LNX1: variants seen among roughly 807,000 people sequenced by gnomAD.
The protein encoded by LNX1 is ligand of numb-protein X 1.
LNX1 carries 54 observed loss-of-function variants against 68.4 expected under a neutral mutation model. The observed-to-expected ratio is 0.79, with a 90% CI of 0.63 to 0.99. The LOEUF (loss-of-function observed/expected upper bound fraction) is 0.99. Ranked by LOEUF, LNX1 falls within the 50% of genes least tolerant of loss-of-function variation. LNX1 has a pLI of 0.00. For synonymous variants in LNX1, 336 were observed against 350.0 expected (o/e 0.96, Z 0.45); for missense variants, 906 against 926.4 (o/e 0.98, Z 0.29).
intron 9 of LNX1, among the ~76,000 whole-genome samples, chr4:53,470,257 T>C (rs1032330078): frequency 1.1e-4 from 16 of 152,222 alleles, no homozygotes; most frequent in African/African-American, 3.9e-4. Context: ...ATTTTCTCAA[T>C]AGATGCAGAA....
intron 2 of LNX1, among the ~76,000 whole-genome samples, chr4:53,571,820 C>A (rs1209956100): frequency 6.6e-6 from 1 of 151,998 alleles, no homozygotes; most frequent in African/African-American, 2.4e-5. Context: ...ATCACCAGGT[C>A]TGGCTAATTT....
chr4:53,604,945 A>C (rs1456606632), intron 2 of LNX1, among the ~76,000 whole-genome samples: 1 of 152,222 alleles, frequency 6.6e-6, no homozygotes, highest in Non-Finnish European at 1.5e-5. Flanking sequence ...CACTCCTCAC[A>C]ACCCGGGTGA....
At chr4:53,474,283 G>C (rs1415679305) in intron 9 of LNX1, among the ~76,000 whole-genome samples, 1 of 152,180 alleles carries the variant, frequency 6.6e-6, no homozygotes, top group Non-Finnish European at 1.5e-5. Context: ...GTATGTGTGT[G>C]TATACATATA....
chr4:53,604,700 C>G (rs552899239), intron 2 of LNX1, among the ~76,000 whole-genome samples: 2 of 152,264 alleles, frequency 1.3e-5, no homozygotes, highest in African/African-American at 4.8e-5. Context: ...AATATCAGTC[C>G]AAAGTCAGAG....
At chr4:53,566,594 C>T (rs1372882098) in intron 2 of LNX1, among the ~76,000 whole-genome samples, 6 of 151,044 alleles carry the variant, frequency 4.0e-5, no homozygotes, top group East Asian at 1.9e-4. Context: ...CATCAACTAA[C>T]GAGCAAAATA....
intron 1 of LNX1, among the ~76,000 whole-genome samples, chr4:53,577,175 A>G (rs1374803685): frequency 2.0e-5 from 3 of 152,246 alleles, no homozygotes; most frequent in Admixed American, 6.5e-5. Flanking sequence ...GTGACATCAG[A>G]AACAGTTGAA....
At chr4:53,606,406 A>G (rs1406273968) in intron 2 of LNX1, among the ~76,000 whole-genome samples, 1 of 152,140 alleles carries the variant, frequency 6.6e-6, no homozygotes, top group African/African-American at 2.4e-5. Context: ...CCCTGAGCAG[A>G]CCAGTAATGA....
At chr4:53,507,708 T>G (rs1725998983) in intron 3 of LNX1, among the ~76,000 whole-genome samples, 1 of 152,198 alleles carries the variant, frequency 6.6e-6, no homozygotes, top group South Asian at 2.1e-4. Context: ...CCACTTTTCT[T>G]GAGCAGCATG....
At chr4:53,588,458 T>C (rs1178596990) in intron 1 of LNX1, among the ~76,000 whole-genome samples, 1 of 152,236 alleles carries the variant, frequency 6.6e-6, no homozygotes, top group African/African-American at 2.4e-5. Flanking sequence ...ATGGTAGATC[T>C]GGGTTTCAAA....
chr4:53,604,825 G>A (rs562727906), intron 2 of LNX1, among the ~76,000 whole-genome samples: 4 of 152,182 alleles, frequency 2.6e-5, no homozygotes, highest in Non-Finnish European at 5.9e-5. Flanking sequence ...CAGGTCACAG[G>A]CCACCTTTCT....
chr4:53,477,130 T>C (rs750479396), intron 8 of LNX1, 149 bp from the exon 9 acceptor site: 6 of 712,492 alleles, frequency 8.4e-6, no homozygotes, highest in East Asian at 2.6e-5. Context: ...GGTGCTCACA[T>C]AGCAAATGGT....
At chr4:53,581,357 A>G (rs989361739) in intron 1 of LNX1, among the ~76,000 whole-genome samples, 2 of 152,188 alleles carry the variant, frequency 1.3e-5, no homozygotes, top group Non-Finnish European at 2.9e-5. Context: ...TTATTCTCCA[A>G]ACAATTTTAG....
chr4:53,606,326 A>C (rs1165417780), intron 2 of LNX1, among the ~76,000 whole-genome samples: 1 of 152,188 alleles, frequency 6.6e-6, no homozygotes, highest in East Asian at 1.9e-4. Flanking sequence ...CAAGCTAGGA[A>C]ACCTAGAGGA....
intron 2 of LNX1, among the ~76,000 whole-genome samples, chr4:53,535,841 G>A (rs1380876888): frequency 2.6e-5 from 4 of 152,044 alleles, no homozygotes; most frequent in East Asian, 1.9e-4. Context: ...TGAGCATGTC[G>A]GGCTGGGACT....
At chr4:53,605,196 GA>G (rs1733179557) in intron 2 of LNX1, among the ~76,000 whole-genome samples, 1 of 152,184 alleles carries the variant, frequency 6.6e-6, no homozygotes, top group Non-Finnish European at 1.5e-5. Context: ...TCACATTGAA[GA>G]GCATGTGGAA....
intron 1 of LNX1, among the ~76,000 whole-genome samples, chr4:53,637,653 T>A (rs376261273): frequency 3.9e-4 from 59 of 152,282 alleles, no homozygotes; most frequent in African/African-American, 1.1e-3. Context: ...ACCTTATTTT[T>A]TGTGCCCACC....
chr4:53,646,688 A>T (rs1232657063), intron 1 of LNX1, among the ~76,000 whole-genome samples: 10 of 152,368 alleles, frequency 6.6e-5, no homozygotes, highest in Admixed American at 3.9e-4. Context: ...AATTAAAAAC[A>T]CTATGCTGGC....
chr4:53,570,553 T>C (rs1402486240), intron 2 of LNX1, among the ~76,000 whole-genome samples: 1 of 148,908 alleles, frequency 6.7e-6, no homozygotes, highest in East Asian at 2.0e-4. Context: ...TTGGGCGATA[T>C]ACCTAATGCT....
chr4:53,536,191 A>G (rs1332105555), intron 2 of LNX1, among the ~76,000 whole-genome samples: 6 of 152,180 alleles, frequency 3.9e-5, no homozygotes, highest in Admixed American at 3.3e-4. Context: ...CATAAACACA[A>G]TGCTCTCCAT....
Sources: allele counts gnomAD v4.1 joint callset (sites outside exome capture counted in the v4.1 genomes callset), GRCh38; gene constraint gnomAD v4.1.1; transcripts MANE v1.5; gene names NCBI Gene and HGNC (gene_info 2026-07-23, HGNC 2026-07-21).